The following PLXDC2 variants were observed in gnomAD, a reference collection of about 807,000 sequenced individuals.
The protein encoded by PLXDC2 is plexin domain containing 2, also known as plexin domain-containing protein 2.
PLXDC2 carries 40 observed loss-of-function variants against 68.9 expected under a neutral mutation model. The observed-to-expected ratio is 0.58, with a 90% CI of 0.45 to 0.76. PLXDC2 has a LOEUF of 0.76. PLXDC2 is among the 30% of genes least tolerant of loss of function. PLXDC2 has a pLI of 0.00. For missense variants in PLXDC2, 644 were observed against 661.9 expected (o/e 0.97, Z 0.30); for synonymous variants, 243 against 234.2 (o/e 1.04, Z -0.34).
At chr10:20,195,602 A>G (rs1000185713) in intron 9 of PLXDC2, among the ~76,000 whole-genome samples, 2 of 152,132 alleles carry the variant, frequency 1.3e-5, no homozygotes, top group African/African-American at 2.4e-5. Flanking sequence ...GAAACAAGAA[A>G]TACTGTCTTT....
At chr10:20,146,801 A>G (rs1272531634) in intron 5 of PLXDC2, among the ~76,000 whole-genome samples, 1 of 152,186 alleles carries the variant, frequency 6.6e-6, no homozygotes, top group East Asian at 1.9e-4. Flanking sequence ...TATTACTAAT[A>G]GCACCAAATA....
intron 1 of PLXDC2, among the ~76,000 whole-genome samples, chr10:19,894,462 A>G (rs1838021602): frequency 6.6e-6 from 1 of 152,132 alleles, no homozygotes; most frequent in Admixed American, 6.5e-5. Context: ...GTTGGAGGAC[A>G]TTTATTTGGC....
intron 2 of PLXDC2, among the ~76,000 whole-genome samples, chr10:20,015,544 A>G (rs1211017598): frequency 1.3e-5 from 2 of 152,182 alleles, no homozygotes; most frequent in African/African-American, 4.8e-5. Flanking sequence ...GAGCATTACA[A>G]TCAACATAAA....
chr10:20,189,308 C>G (rs1428594420), intron 9 of PLXDC2, among the ~76,000 whole-genome samples: 1 of 149,696 alleles, frequency 6.7e-6, no homozygotes, highest in African/African-American at 2.4e-5. Context: ...ACAGGGCTTC[C>G]CTTTGGAGAA....
At chr10:19,873,251 C>T (rs1189233259) in intron 1 of PLXDC2, among the ~76,000 whole-genome samples, 1 of 152,118 alleles carries the variant, frequency 6.6e-6, no homozygotes, top group African/African-American at 2.4e-5. Flanking sequence ...CTATGGGATG[C>T]TGGCTGATTC....
intron 1 of PLXDC2, among the ~76,000 whole-genome samples, chr10:19,995,040 G>C (rs1248944139): frequency 1.3e-5 from 2 of 152,110 alleles, no homozygotes; most frequent in African/African-American, 2.4e-5. Context: ...ACAGCGCCAG[G>C]CCTCTTTGAA....
intron 1 of PLXDC2, among the ~76,000 whole-genome samples, chr10:19,978,948 C>A (rs1334303015): frequency 1.3e-5 from 2 of 152,112 alleles, no homozygotes; most frequent in East Asian, 3.9e-4. Context: ...GTAATCTTGA[C>A]TATTATTACC....
intron 1 of PLXDC2, among the ~76,000 whole-genome samples, chr10:19,864,733 A>G (rs973846182): frequency 1.3e-5 from 2 of 152,208 alleles, no homozygotes; most frequent in African/African-American, 4.8e-5. Flanking sequence ...TAAGAGGCAG[A>G]TCCTTCAAAG....
At chr10:20,085,544 A>G (rs1375610885) in intron 4 of PLXDC2, among the ~76,000 whole-genome samples, 1 of 152,216 alleles carries the variant, frequency 6.6e-6, no homozygotes, top group Non-Finnish European at 1.5e-5. Context: ...TAAAAATAGC[A>G]ACATTTTCTA....
intron 1 of PLXDC2, among the ~76,000 whole-genome samples, chr10:19,845,958 T>G (rs1837001214): frequency 6.6e-6 from 1 of 152,164 alleles, no homozygotes; most frequent in South Asian, 2.1e-4. Flanking sequence ...TCTGGTCCAG[T>G]GTCTGAGCCC....
At chr10:19,907,829 G>A (rs1833192332) in intron 1 of PLXDC2, among the ~76,000 whole-genome samples, 1 of 152,090 alleles carries the variant, frequency 6.6e-6, no homozygotes, top group African/African-American at 2.4e-5. Context: ...TTCCCTCCTT[G>A]GCTCTAACTT....
chr10:20,205,235 G>A (rs908136474), intron 9 of PLXDC2, among the ~76,000 whole-genome samples: 1 of 152,020 alleles, frequency 6.6e-6, no homozygotes, highest in Non-Finnish European at 1.5e-5. Flanking sequence ...TTCCCTGGGG[G>A]CTTTGAAATC....
At chr10:20,252,460 G>A (rs74119586) in intron 13 of PLXDC2, among the ~76,000 whole-genome samples, 39,901 of 151,992 alleles carry the variant, frequency 0.26, 5,548 homozygotes, top group African/African-American at 0.36. Context: ...TTAAAATTAT[G>A]TATTTGGTTC....
intron 4 of PLXDC2, among the ~76,000 whole-genome samples, chr10:20,126,817 C>CACACGTT (rs1564325374): frequency 2.1e-4 from 29 of 136,384 alleles, no homozygotes; most frequent in East Asian, 4.1e-4. Context: ...GTATATATAA[C>CACACGTT]ATATATGTGT....
intron 9 of PLXDC2, among the ~76,000 whole-genome samples, chr10:20,184,947 A>T (rs1486824717): frequency 6.6e-6 from 1 of 151,868 alleles, no homozygotes; most frequent in East Asian, 1.9e-4. Context: ...GAGTTGAACA[A>T]TGAGAACACA....
At chr10:19,999,906 A>G (rs920463467) in intron 1 of PLXDC2, among the ~76,000 whole-genome samples, 1 of 152,340 alleles carries the variant, frequency 6.6e-6, no homozygotes, top group Non-Finnish European at 1.5e-5. Flanking sequence ...TTTAAAATAT[A>G]GAATAACAAA....
chr10:19,883,911 T>TTTTTTTTTTTTTTTTTTTTTTTTTG, intron 1 of PLXDC2, among the ~76,000 whole-genome samples: 1 of 136,856 alleles, frequency 7.3e-6, no homozygotes, highest in African/African-American at 2.7e-5. Flanking sequence ...TTTTTTTTTT[T>TTTTTTTTTTTTTTTTTTTTTTTTTG]AGCAGACAGG....
intron 1 of PLXDC2, among the ~76,000 whole-genome samples, chr10:19,921,717 G>C (rs1833464299): frequency 6.6e-6 from 1 of 152,198 alleles, no homozygotes; most frequent in African/African-American, 2.4e-5. Flanking sequence ...CAATTGTGTT[G>C]TGTGGTCTGT....
chr10:19,946,815 C>T (rs1187437601), intron 1 of PLXDC2, among the ~76,000 whole-genome samples: 1 of 152,028 alleles, frequency 6.6e-6, no homozygotes, highest in Non-Finnish European at 1.5e-5. Flanking sequence ...TTACAATAGG[C>T]TTTGTGCTCC....
Sources: allele counts gnomAD v4.1 joint callset (sites outside exome capture counted in the v4.1 genomes callset), GRCh38; gene constraint gnomAD v4.1.1; transcripts MANE v1.5; gene names NCBI Gene and HGNC (gene_info 2026-07-23, HGNC 2026-07-21).